Variants in CCDC7 observed in about 807,000 individuals in gnomAD.
CCDC7 encodes coiled-coil domain containing 7, also known as coiled-coil domain-containing protein 7.
CCDC7 carries 183 observed loss-of-function variants against 196.9 expected under a neutral mutation model. That is an observed-to-expected ratio of 0.93 (90% CI 0.82 to 1.05). The LOEUF is 1.05. Among genes scored for constraint, CCDC7 ranks in the 50% least tolerant of loss-of-function variants. The pLI is 0.00. For synonymous variants in CCDC7, 525 were observed against 484.6 expected (o/e 1.08, Z -1.10); for missense variants, 1,540 against 1,482.2 (o/e 1.04, Z -0.64).
intron 28 of CCDC7, among the ~76,000 whole-genome samples, chr10:32,764,126 T>G (rs11009068): frequency 0.14 from 20,863 of 151,734 alleles, 1,746 homozygotes; most frequent in East Asian, 0.25. Context: ...GAAATTAATC[T>G]TGCTTTGTCC....
chr10:32,555,371 G>C (rs1050125634), intron 13 of CCDC7, among the ~76,000 whole-genome samples: 1 of 151,698 alleles, frequency 6.6e-6, no homozygotes, highest in East Asian at 1.9e-4. Flanking sequence ...TCAGCTTCCT[G>C]AGTAGCTGGG....
At chr10:32,724,128 A>G (rs1374636863) in intron 25 of CCDC7, among the ~76,000 whole-genome samples, 1 of 152,140 alleles carries the variant, frequency 6.6e-6, no homozygotes, top group Non-Finnish European at 1.5e-5. Context: ...TACAATCACT[A>G]GCATTCCCCA....
intron 18 of CCDC7, among the ~76,000 whole-genome samples, chr10:32,595,478 A>C (rs1164636474): frequency 6.6e-6 from 1 of 151,952 alleles, no homozygotes; most frequent in Non-Finnish European, 1.5e-5. Flanking sequence ...AATTTTGTTG[A>C]TCTTTTCAAA....
chr10:32,559,419 C>T (rs529195725), intron 13 of CCDC7, among the ~76,000 whole-genome samples: 2 of 152,180 alleles, frequency 1.3e-5, no homozygotes, highest in East Asian at 1.9e-4. Flanking sequence ...CTGGGAGGCA[C>T]CCCCCAGTAG....
At chr10:32,620,697 A>G (rs969049272) in intron 18 of CCDC7, among the ~76,000 whole-genome samples, 3 of 152,154 alleles carry the variant, frequency 2.0e-5, no homozygotes, top group Non-Finnish European at 2.9e-5. Flanking sequence ...GACTGAGCCA[A>G]TCCATCCTGT....
intron 29 of CCDC7, 142 bp downstream of exon 30, chr10:32,779,226 A>G (rs1338684817): frequency 2.2e-5 from 13 of 588,148 alleles, no homozygotes; most frequent in Non-Finnish European, 3.4e-5. Context: ...CAATCAATCT[A>G]CATGTCAATT....
At chr10:32,689,731 G>A (rs547804901) in intron 23 of CCDC7, among the ~76,000 whole-genome samples, 1 of 144,408 alleles carries the variant, frequency 6.9e-6, no homozygotes, top group South Asian at 2.5e-4. Context: ...TCCAGTAACT[G>A]CTGGGCTTGT....
intron 20 of CCDC7, among the ~76,000 whole-genome samples, chr10:32,644,494 A>C (rs1174863595): frequency 6.6e-6 from 1 of 152,096 alleles, no homozygotes; most frequent in Non-Finnish European, 1.5e-5. Flanking sequence ...ATATTCCTCT[A>C]GGTTCATCCA....
chr10:32,637,546 G>A (rs1459728148), intron 20 of CCDC7, among the ~76,000 whole-genome samples: 3 of 152,100 alleles, frequency 2.0e-5, no homozygotes, highest in African/African-American at 7.2e-5. Flanking sequence ...TTGTAGATAT[G>A]CGGCATTATT....
chr10:32,551,731 T>C (rs1228608551), intron 13 of CCDC7, among the ~76,000 whole-genome samples: 5 of 152,184 alleles, frequency 3.3e-5, no homozygotes, highest in Admixed American at 6.5e-5. Flanking sequence ...GGAGTTGATA[T>C]CCAATTTTAT....
Position 32,584,211 on chromosome 10 carries a change from A to G in CCDC7, c.1729-21A>G, listed in dbSNP as rs531806882. On this transcript the variant is annotated intron_variant, in intron 17 of 41. Coordinates refer to ENST00000639629, the Ensembl canonical transcript of CCDC7. ...ATATGTATATAATTTCTAATTACTT[A>G]TTACAACTTTTGTTATTAAGGCTGA... 154 of 1,438,888 alleles carry G rather than the reference A, an allele frequency of 1.1e-4. 1 individual carries two copies. In the East Asian group the frequency reaches 3.5e-3, roughly 33 times the overall value. 89.1% of individuals were successfully genotyped at this position (1,438,888 alleles called of 1,614,324 possible).
intron 21 of CCDC7, among the ~76,000 whole-genome samples, chr10:32,681,184 T>TG (rs2075804401): frequency 6.6e-6 from 1 of 152,200 alleles, no homozygotes; most frequent in African/African-American, 2.4e-5. Flanking sequence ...ATTGCTGTGC[T>TG]GGAAGTAGCT....
intron 21 of CCDC7, among the ~76,000 whole-genome samples, chr10:32,681,084 A>C (rs1431878282): frequency 6.6e-6 from 1 of 152,210 alleles, no homozygotes; most frequent in Non-Finnish European, 1.5e-5. Flanking sequence ...TCATTAACAA[A>C]AGATCTCTTC....
At chr10:32,527,295 T>C (rs2048826866) in intron 11 of CCDC7, among the ~76,000 whole-genome samples, 1 of 152,220 alleles carries the variant, frequency 6.6e-6, no homozygotes, top group African/African-American at 2.4e-5. Flanking sequence ...TGATAGCGGA[T>C]GAATAGCATC....
chr10:32,548,146 G>T (rs1018712491), intron 13 of CCDC7, among the ~76,000 whole-genome samples: 1 of 152,172 alleles, frequency 6.6e-6, no homozygotes, highest in Non-Finnish European at 1.5e-5. Flanking sequence ...TGGAGCAATG[G>T]CAGGAGCACA....
chr10:32,755,101 G>A (rs983197460), intron 28 of CCDC7, among the ~76,000 whole-genome samples: 5 of 152,272 alleles, frequency 3.3e-5, no homozygotes, highest in South Asian at 4.1e-4. Flanking sequence ...GCTTGAGTAG[G>A]TAAACAAAGC....
intron 18 of CCDC7, among the ~76,000 whole-genome samples, chr10:32,605,047 C>T (rs1337186471): frequency 6.6e-6 from 1 of 151,976 alleles, no homozygotes; most frequent in Non-Finnish European, 1.5e-5. Context: ...GGGGCAGATC[C>T]CTCATGGCTT....
chr10:32,607,169 C>A (rs914809310), intron 18 of CCDC7, among the ~76,000 whole-genome samples: 1 of 152,130 alleles, frequency 6.6e-6, no homozygotes, highest in Admixed American at 6.5e-5. Flanking sequence ...ACACTGGCTC[C>A]CCCTTTGCCC....
In CCDC7 at chr10:32,571,766, A is replaced by G. The variant is rs564766835; in HGVS notation, c.1420-93A>G. 4 of 1,213,050 alleles carry G rather than the reference A, an allele frequency of 3.3e-6. No individual in the cohort carries two copies. The African/African-American group carries it at 4.7e-5, about 14-fold the overall frequency. The allele number at this position is 1,213,050 out of a possible 1,614,324, so 75.1% of individuals were successfully genotyped here. The stretch of plus-strand genomic sequence containing the variant: ...CTTAATCTTACGAAATTGTCATATT[A>G]AAAAACTACCTTAAATGATATTTTT... On this transcript the variant is annotated intron_variant, in intron 15 of 41. Transcript: ENST00000639629.
Sources: allele counts gnomAD v4.1 joint callset (sites outside exome capture counted in the v4.1 genomes callset), GRCh38; gene constraint gnomAD v4.1.1; transcripts MANE v1.5; gene names NCBI Gene and HGNC (gene_info 2026-07-23, HGNC 2026-07-21).